The following GPC5 variants were observed in gnomAD, a reference collection of about 807,000 sequenced individuals.
GPC5 encodes the protein glypican-5.
In GPC5, 47 loss-of-function variants were observed where a neutral mutation model predicts 53.9. That is an observed-to-expected ratio of 0.87 (90% confidence interval 0.69 to 1.11). The LOEUF (loss-of-function observed/expected upper bound fraction) is 1.11. GPC5 is among the 50% of genes most tolerant of loss of function. The pLI is 0.00. For missense variants in GPC5, 748 were observed against 713.1 expected (o/e 1.05, Z -0.56); for synonymous variants, 286 against 263.3 (o/e 1.09, Z -0.84).
At chr13:92,313,365 C>G (rs1320676570) in intron 7 of GPC5, among the ~76,000 whole-genome samples, 1 of 152,166 alleles carries the variant, frequency 6.6e-6, no homozygotes. Context: ...CTCCATCTAT[C>G]CAGTATCATT....
intron 1 of GPC5, among the ~76,000 whole-genome samples, chr13:91,430,287 C>T (rs1000774607): frequency 6.6e-6 from 1 of 152,270 alleles, no homozygotes; most frequent in East Asian, 1.9e-4. Context: ...GTCAGATGGG[C>T]ATACCTTGGG....
intron 6 of GPC5, among the ~76,000 whole-genome samples, chr13:92,006,108 C>T (rs1286252991): frequency 6.6e-6 from 1 of 152,152 alleles, no homozygotes; most frequent in Non-Finnish European, 1.5e-5. Context: ...AAGTATCTTA[C>T]ACCACTGAGT....
chr13:92,385,520 A>ATATATACAT (rs1473764808), intron 7 of GPC5, among the ~76,000 whole-genome samples: 2 of 22,332 alleles, frequency 9.0e-5, no homozygotes, highest in East Asian at 7.7e-3. Flanking sequence ...ATATACATAC[A>ATATATACAT]TATGCATATA....
intron 5 of GPC5, among the ~76,000 whole-genome samples, chr13:91,868,478 G>C (rs1458405984): frequency 6.6e-6 from 1 of 152,146 alleles, no homozygotes; most frequent in African/African-American, 2.4e-5. Context: ...GTCAAGATAG[G>C]AGGATTACTT....
intron 2 of GPC5, among the ~76,000 whole-genome samples, chr13:91,480,968 T>C (rs1359004271): frequency 2.6e-5 from 4 of 151,248 alleles, no homozygotes; most frequent in East Asian, 1.9e-4. Context: ...TTTTTTTTTT[T>C]CCCAAAACTT....
intron 7 of GPC5, among the ~76,000 whole-genome samples, chr13:92,631,314 C>T (rs1475706067): frequency 3.9e-5 from 6 of 152,064 alleles, no homozygotes. Flanking sequence ...TATTACTTCC[C>T]ATTTACTCTT....
intron 7 of GPC5, among the ~76,000 whole-genome samples, chr13:92,541,167 T>A (rs1881919462): frequency 6.6e-6 from 1 of 151,840 alleles, no homozygotes; most frequent in African/African-American, 2.4e-5. Flanking sequence ...AAAAAATCTT[T>A]TAGTAACCAC....
intron 7 of GPC5, among the ~76,000 whole-genome samples, chr13:92,513,717 T>A (rs536142241): frequency 6.6e-6 from 1 of 152,114 alleles, no homozygotes. Context: ...TGTGTGCATA[T>A]GCATAAAGAG....
chr13:91,500,727 T>G (rs927153740), intron 2 of GPC5, among the ~76,000 whole-genome samples: 1 of 152,182 alleles, frequency 6.6e-6, no homozygotes, highest in African/African-American at 2.4e-5. Context: ...AGCTACAGAT[T>G]TTTGTCTCGA....
intron 5 of GPC5, among the ~76,000 whole-genome samples, chr13:91,857,111 C>G (rs575231755): frequency 4.0e-5 from 6 of 151,312 alleles, no homozygotes; most frequent in African/African-American, 9.6e-5. Context: ...TTTATCTTCC[C>G]TTACACCAAT....
intron 6 of GPC5, among the ~76,000 whole-genome samples, chr13:91,910,107 G>A (rs2039596046): frequency 6.6e-6 from 1 of 152,170 alleles, no homozygotes; most frequent in Admixed American, 6.6e-5. Context: ...GAGGAGAGCA[G>A]AAAGTTATGT....
intron 7 of GPC5, among the ~76,000 whole-genome samples, chr13:92,829,727 C>G (rs1235849644): frequency 6.6e-6 from 1 of 152,064 alleles, no homozygotes; most frequent in East Asian, 1.9e-4. Flanking sequence ...GCTTTAAATT[C>G]TAAATGGATA....
chr13:91,693,638 G>T lies in GPC5; in HGVS notation c.777G>T (p.Pro259=). ...SRALLKMQYC[P]HCQGLALTKP... ...CCCTCCTGAAGATGCAATACTGCCC[G>T]CACTGCCAAGGCCTGGCGCTCACTA... The change falls in exon 3 of 8, where the codon CCG becomes CCT. Residue 259 remains proline (P), a synonymous_variant. Transcript: ENST00000377067. The T allele has an allele frequency of 4.3e-6, 7 of 1,614,056 alleles. No individual in the cohort carries two copies. Among genetic ancestry groups the T allele is most frequent in the Admixed American group, 1.7e-5 (1 of 60,014 alleles).
chr13:92,183,732 A>G (rs1046897559), intron 7 of GPC5, among the ~76,000 whole-genome samples: 2 of 151,968 alleles, frequency 1.3e-5, no homozygotes, highest in African/African-American at 4.8e-5. Context: ...CTTAGGTCTA[A>G]TTTTGTGGTT....
chr13:92,103,902 GGGCTTTTC>G (rs1566436585), intron 6 of GPC5, among the ~76,000 whole-genome samples: 1 of 152,152 alleles, frequency 6.6e-6, no homozygotes, highest in East Asian at 1.9e-4. Context: ...GAACGTAGTG[GGGCTTTTC>G]AAAGCCCCAC....
intron 7 of GPC5, among the ~76,000 whole-genome samples, chr13:92,162,083 T>A (rs898808377): frequency 7.0e-5 from 10 of 142,630 alleles, no homozygotes; most frequent in Non-Finnish European, 1.2e-4. Flanking sequence ...TATTGTTCCA[T>A]ACCTTTATGT....
chr13:92,559,562 A>G (rs1406845767), intron 7 of GPC5, among the ~76,000 whole-genome samples: 1 of 151,152 alleles, frequency 6.6e-6, no homozygotes, highest in Non-Finnish European at 1.5e-5. Context: ...TGGCTCTTAC[A>G]CTCCAACAGG....
At chr13:91,946,695 T>C (rs971161126) in intron 6 of GPC5, among the ~76,000 whole-genome samples, 2 of 152,174 alleles carry the variant, frequency 1.3e-5, no homozygotes, top group Non-Finnish European at 2.9e-5. Flanking sequence ...TGAAATGAGC[T>C]AGTCTGCTCA....
rs1378713314 is a variant in GPC5, at chr13:91,718,629, A to T, written c.1021-9903A>T. ...TTATATTTTCTTGGACACCATATTT[A>T]AAAATGTGATTGAATCAAGCTTTCC... On this transcript the variant is annotated intron_variant, in intron 3 of 7. Coordinates refer to ENST00000377067, the MANE Select transcript of GPC5 (RefSeq NM_004466.6). 2.0e-5 allele frequency among the ~76,000 whole-genome samples: 3 copies of T among 152,210 alleles called. No individual in the cohort carries two copies. The East Asian group carries it at 5.8e-4, about 29-fold the overall frequency.
Sources: allele counts gnomAD v4.1 joint callset (sites outside exome capture counted in the v4.1 genomes callset), GRCh38; gene constraint gnomAD v4.1.1; transcripts MANE v1.5; gene names NCBI Gene and HGNC (gene_info 2026-07-23, HGNC 2026-07-21).